ADAMTSL1: variants seen among roughly 807,000 people sequenced by gnomAD.
ADAMTSL1 encodes the protein ADAMTS like 1.
A neutral mutation model predicts 201.8 loss-of-function variants in ADAMTSL1; 126 were observed. That is an observed-to-expected ratio of 0.62 (90% CI 0.54 to 0.72). The LOEUF is 0.72. Ranked by LOEUF, ADAMTSL1 falls within the 30% of genes least tolerant of loss-of-function variation. The pLI, the probability that ADAMTSL1 is intolerant of heterozygous loss-of-function variation, is 0.00. For missense variants in ADAMTSL1, 2,679 were observed against 2,277.8 expected (o/e 1.18, Z -3.59); for synonymous variants, 1,121 against 903.4 (o/e 1.24, Z -4.32).
At chr9:18,725,123 G>C (rs1817793936) in intron 15 of ADAMTSL1, among the ~76,000 whole-genome samples, 1 of 152,122 alleles carries the variant, frequency 6.6e-6, no homozygotes, top group African/African-American at 2.4e-5. Context: ...AGCTAGGATG[G>C]TCTCGATCTC....
At chr9:18,553,801 T>C (rs1820940065) in intron 3 of ADAMTSL1, among the ~76,000 whole-genome samples, 1 of 151,858 alleles carries the variant, frequency 6.6e-6, no homozygotes, top group Non-Finnish European at 1.5e-5. Context: ...TCATTCTAAT[T>C]TGTTTTTCCT....
chr9:18,897,413 TG>T (rs1275205711), intron 26 of ADAMTSL1, among the ~76,000 whole-genome samples: 1 of 152,100 alleles, frequency 6.6e-6, no homozygotes, highest in Non-Finnish European at 1.5e-5. Flanking sequence ...CCCTCCTGAC[TG>T]GGTGAGACCT....
At chr9:18,359,322 C>T (rs925381495) in intron 2 of ADAMTSL1, among the ~76,000 whole-genome samples, 1 of 152,234 alleles carries the variant, frequency 6.6e-6, no homozygotes, top group East Asian at 1.9e-4. Flanking sequence ...TCTTCTGCCC[C>T]CAGAATCCGA....
chr9:18,405,454 A>G (rs11792530), intron 2 of ADAMTSL1, among the ~76,000 whole-genome samples: 16,261 of 152,126 alleles, frequency 0.11, 1,209 homozygotes, highest in Non-Finnish European at 0.16. Context: ...GTGAGTGTCT[A>G]CAGTTTAAAT....
chr9:18,792,111 A>C (rs1479859392), intron 19 of ADAMTSL1, among the ~76,000 whole-genome samples: 1 of 152,160 alleles, frequency 6.6e-6, no homozygotes, highest in Non-Finnish European at 1.5e-5. Context: ...AGATCTAATA[A>C]GTTGCCTAGG....
chr9:18,311,375 A>G (rs1834150040), intron 2 of ADAMTSL1, among the ~76,000 whole-genome samples: 1 of 152,140 alleles, frequency 6.6e-6, no homozygotes, highest in African/African-American at 2.4e-5. Context: ...AATCCTTCAG[A>G]ATGATATCGT....
At chr9:18,905,675 T>A in intron 26 of ADAMTSL1, 107 bp from the exon 27 acceptor site, 2 of 795,140 alleles carry the variant, frequency 2.5e-6, no homozygotes, top group Non-Finnish European at 4.2e-6. Flanking sequence ...TCTGAGAGCC[T>A]CCAACAAGAC....
Position 18,865,160 on chromosome 9 carries a change from A to G in ADAMTSL1, c.4250-22671A>G, listed in dbSNP as rs911602495. Among the ~76,000 whole-genome samples, 107 of 152,190 alleles carry G rather than the reference A, an allele frequency of 7.0e-4. 2 individuals are homozygous for G. Among genetic ancestry groups the G allele is most frequent in the Admixed American group, 7.0e-3 (107 of 15,286 alleles). On this transcript the variant is annotated intron_variant, in intron 23 of 28. Transcript: ENST00000380548. Reference sequence around the variant, plus strand: ...ACCCATTAACTCGTCATTTAACATTAGGTATATCTCCTAATGCTATCCCTC... The same window carrying G: ...ACCCATTAACTCGTCATTTAACATTGGGTATATCTCCTAATGCTATCCCTC...
chr9:18,550,154 A>G (rs1820712714), intron 3 of ADAMTSL1, among the ~76,000 whole-genome samples: 1 of 152,048 alleles, frequency 6.6e-6, no homozygotes, highest in Admixed American at 6.6e-5. Context: ...TGACATCTAC[A>G]GTTAATATGG....
intron 1 of ADAMTSL1, among the ~76,000 whole-genome samples, chr9:18,042,293 T>C (rs1434059207): frequency 6.6e-6 from 1 of 152,130 alleles, no homozygotes; most frequent in African/African-American, 2.4e-5. Flanking sequence ...GTTAAAAATA[T>C]TATAATACTA....
At chr9:18,232,536 G>A (rs955109184) in intron 2 of ADAMTSL1, among the ~76,000 whole-genome samples, 6 of 152,044 alleles carry the variant, frequency 3.9e-5, no homozygotes, top group South Asian at 2.1e-4. Flanking sequence ...TTTTTGCACC[G>A]AAAGAAGTGA....
At chr9:18,406,477 C>T (rs188715304) in intron 2 of ADAMTSL1, among the ~76,000 whole-genome samples, 44 of 152,022 alleles carry the variant, frequency 2.9e-4, no homozygotes, top group East Asian at 2.5e-3. Context: ...TACAGGCACA[C>T]GTCACATTGC....
At chr9:17,998,776 G>T (rs1384879349) in intron 1 of ADAMTSL1, among the ~76,000 whole-genome samples, 1 of 151,892 alleles carries the variant, frequency 6.6e-6, no homozygotes. Flanking sequence ...TTATAAGTGA[G>T]GTGACCTATC....
chr9:18,250,084 G>T (rs1057024897), intron 2 of ADAMTSL1, among the ~76,000 whole-genome samples: 1 of 152,174 alleles, frequency 6.6e-6, no homozygotes, highest in Non-Finnish European at 1.5e-5. Flanking sequence ...AGTGTTATCA[G>T]TGTAGTTTAC....
chr9:18,235,711 T>C (rs1384652165), intron 2 of ADAMTSL1, among the ~76,000 whole-genome samples: 1 of 152,184 alleles, frequency 6.6e-6, no homozygotes, highest in Non-Finnish European at 1.5e-5. Flanking sequence ...AGCTTTTGAC[T>C]CCAGGCTCCA....
At chr9:17,911,794 T>C (rs201069533) in intron 1 of ADAMTSL1, among the ~76,000 whole-genome samples, 1 of 63,264 alleles carries the variant, frequency 1.6e-5, no homozygotes, top group Non-Finnish European at 4.8e-5. Flanking sequence ...ATTAACTCGT[T>C]ATTTAGCATT....
chr9:18,878,829 G>T (rs994840020), intron 23 of ADAMTSL1, among the ~76,000 whole-genome samples: 1 of 152,142 alleles, frequency 6.6e-6, no homozygotes, highest in African/African-American at 2.4e-5. Context: ...TTCCCCTCAG[G>T]ATTATTAGAA....
chr9:18,418,643 A>G (rs902519877), intron 2 of ADAMTSL1, among the ~76,000 whole-genome samples: 1 of 152,228 alleles, frequency 6.6e-6, no homozygotes, highest in Non-Finnish European at 1.5e-5. Flanking sequence ...CAAAATATGT[A>G]TGGGATCTGC....
intron 2 of ADAMTSL1, among the ~76,000 whole-genome samples, chr9:18,290,329 G>A (rs898108284): frequency 7.3e-5 from 11 of 151,544 alleles, no homozygotes; most frequent in African/African-American, 2.2e-4. Context: ...ATTGGCAGGA[G>A]CAAGATGACA....
Sources: gnomAD v4.1 joint callset for allele counts (sites outside exome capture counted in the v4.1 genomes callset) on GRCh38, gnomAD v4.1.1 for gene constraint, MANE v1.5 for transcripts, NCBI Gene and HGNC (gene_info 2026-07-23, HGNC 2026-07-21) for gene names.